Variants in NEGR1 observed in about 807,000 individuals in gnomAD.
NEGR1 encodes the protein neuronal growth regulator 1.
NEGR1 carries 10 observed loss-of-function variants against 40.9 expected under a neutral mutation model. The observed-to-expected ratio is 0.24, with a 90% CI of 0.15 to 0.42. The LOEUF (loss-of-function observed/expected upper bound fraction) is 0.42. NEGR1 is among the 10% of genes least tolerant of loss of function. NEGR1 has a pLI of 1.00. For missense variants in NEGR1, 352 were observed against 438.9 expected, an observed-to-expected ratio of 0.80 and a Z score of 1.77; for synonymous variants, 185 against 166.8, an observed-to-expected ratio of 1.11 and a Z score of -0.84.
At chr1:72,021,725 TTAAA>T (rs1646758181) in intron 1 of NEGR1, among the ~76,000 whole-genome samples, 3 of 152,190 alleles carry the variant, frequency 2.0e-5, no homozygotes, top group Admixed American at 2.0e-4. Flanking sequence ...TATGTAACTA[TTAAA>T]TAAATAATTA....
chr1:71,683,358 A>G (rs1652904418), intron 4 of NEGR1, among the ~76,000 whole-genome samples: 1 of 152,104 alleles, frequency 6.6e-6, no homozygotes, highest in East Asian at 1.9e-4. Flanking sequence ...TCAAGAGTAT[A>G]CTAGATACTC....
chr1:71,877,440 T>C (rs1405859186), intron 2 of NEGR1, among the ~76,000 whole-genome samples: 4 of 152,202 alleles, frequency 2.6e-5, no homozygotes, highest in Non-Finnish European at 5.9e-5. Flanking sequence ...GGCTTGTAGA[T>C]AGCCACCTTC....
intron 2 of NEGR1, among the ~76,000 whole-genome samples, chr1:71,872,694 G>A (rs56752962): frequency 6.6e-6 from 1 of 152,150 alleles, no homozygotes; most frequent in Non-Finnish European, 1.5e-5. Context: ...ATATAGTTTA[G>A]CACATTTTGA....
chr1:71,565,473 G>A (rs1284105775), intron 6 of NEGR1, among the ~76,000 whole-genome samples: 1 of 152,150 alleles, frequency 6.6e-6, no homozygotes, highest in African/African-American at 2.4e-5. Context: ...GAAAATAAGT[G>A]TTTCTCCCTG....
At chr1:71,848,795 A>C (rs1303167579) in intron 2 of NEGR1, among the ~76,000 whole-genome samples, 1 of 152,158 alleles carries the variant, frequency 6.6e-6, no homozygotes, top group Non-Finnish European at 1.5e-5. Flanking sequence ...TATTTAAGAA[A>C]TATATTTCAT....
rs560905697 is a variant in NEGR1, at chr1:71,622,522, CA to C, written c.668-11377del. ...GCAGACTCTTTAGATCCCTGTAAAA[CA>C]TAAGAATTTTTTTGTAATTTATTAA... On this transcript the variant is annotated intron_variant, in intron 4 of 6. Coordinates refer to ENST00000357731, the MANE Select transcript of NEGR1 (RefSeq NM_173808.3). 1.5e-3 allele frequency among the ~76,000 whole-genome samples: 234 copies of C among 151,846 alleles called. 3 individuals carry two copies. The highest frequency in any genetic ancestry group is 2.2e-3 in the Non-Finnish European group (150 of 67,830).
intron 1 of NEGR1, among the ~76,000 whole-genome samples, chr1:71,989,703 A>G (rs1254436471): frequency 6.6e-6 from 1 of 152,214 alleles, no homozygotes; most frequent in Non-Finnish European, 1.5e-5. Context: ...AATTATTTCT[A>G]TTAAATTGGT....
chr1:72,082,227 G>T (rs1278541804), intron 1 of NEGR1, among the ~76,000 whole-genome samples: 2 of 152,098 alleles, frequency 1.3e-5, no homozygotes, highest in African/African-American at 4.8e-5. Context: ...GCAGGTGGGG[G>T]AAGAAAGGAA....
intron 2 of NEGR1, among the ~76,000 whole-genome samples, chr1:71,783,252 C>T (rs1224773134): frequency 1.3e-5 from 2 of 152,130 alleles, no homozygotes; most frequent in African/African-American, 4.8e-5. Flanking sequence ...AACATCCTTC[C>T]TTTCACTGGG....
chr1:72,134,298 C>T (rs1220741363), intron 1 of NEGR1, among the ~76,000 whole-genome samples: 1 of 151,300 alleles, frequency 6.6e-6, no homozygotes, highest in African/African-American at 2.4e-5. Flanking sequence ...CTCCACCTCC[C>T]GGGTTCACGC....
intron 4 of NEGR1, among the ~76,000 whole-genome samples, chr1:71,636,307 G>T (rs1257552557): frequency 1.3e-5 from 2 of 152,066 alleles, no homozygotes; most frequent in Non-Finnish European, 2.9e-5. Context: ...TAATAATCTG[G>T]AGGTTCTTTA....
intron 1 of NEGR1, among the ~76,000 whole-genome samples, chr1:72,255,545 T>A (rs12073409): frequency 0.12 from 15,325 of 127,760 alleles, 2,736 homozygotes; most frequent in African/African-American, 0.38. Context: ...TCAAAAATAC[T>A]TCTTTTTTTT....
chr1:72,163,764 A>AGATAGATAGATAGATT (rs3080237), intron 1 of NEGR1, among the ~76,000 whole-genome samples: 8,147 of 143,980 alleles, frequency 0.057, 632 homozygotes, highest in Non-Finnish European at 0.066. Context: ...ATAGATAGAT[A>AGATAGATAGATAGATT]TAGATTTAGA....
intron 4 of NEGR1, among the ~76,000 whole-genome samples, chr1:71,639,465 C>A (rs1651273982): frequency 6.6e-6 from 1 of 152,040 alleles, no homozygotes; most frequent in Non-Finnish European, 1.5e-5. Flanking sequence ...AATATTTTCT[C>A]AATCTCTGTG....
Position 72,115,213 on chromosome 1 carries a change from T to TATA in NEGR1, c.176+167105_176+167106insTAT, listed in dbSNP as rs71726829. ...TAATTGTGGTCTTTTATATATATAT[T>TATA]TTTTCATTTAGCATATAAAATAATG... On this transcript the variant is annotated intron_variant, in intron 1 of 6. Coordinates refer to ENST00000357731, the MANE Select transcript of NEGR1 (RefSeq NM_173808.3). 1.9e-4 allele frequency among the ~76,000 whole-genome samples: 28 copies of TATA among 151,176 alleles called. No individual in the cohort carries two copies. The East Asian group carries it at 2.3e-3, about 13-fold the overall frequency.
At chr1:72,184,990 A>C (rs6703443) in intron 1 of NEGR1, among the ~76,000 whole-genome samples, 150,732 of 151,944 alleles carry the variant, frequency 0.99, 74,783 homozygotes, top group East Asian at 1. Context: ...AGTAAGTTAC[A>C]AAAACTCTAT....
chr1:71,641,126 G>A (rs541713146), intron 4 of NEGR1, among the ~76,000 whole-genome samples: 45 of 152,186 alleles, frequency 3.0e-4, no homozygotes, highest in African/African-American at 1.0e-3. Flanking sequence ...ATAATAAATG[G>A]AAGTGCACAA....
At chr1:71,465,985 T>C (rs1195938484) in intron 6 of NEGR1, among the ~76,000 whole-genome samples, 1 of 152,034 alleles carries the variant, frequency 6.6e-6, no homozygotes, top group African/African-American at 2.4e-5. Flanking sequence ...ATTTTATGTA[T>C]TCTCTAATGG....
chr1:71,581,829 A>G (rs1203507744), intron 6 of NEGR1, among the ~76,000 whole-genome samples: 1 of 151,864 alleles, frequency 6.6e-6, no homozygotes, highest in Non-Finnish European at 1.5e-5. Flanking sequence ...CAGCATTCCA[A>G]GTAGCTGGGA....
Sources: allele counts gnomAD v4.1 joint callset (sites outside exome capture counted in the v4.1 genomes callset), GRCh38; gene constraint gnomAD v4.1.1; transcripts MANE v1.5; gene names NCBI Gene and HGNC (gene_info 2026-07-23, HGNC 2026-07-21).